Variants in AIG1 observed in about 807,000 individuals in gnomAD.
The protein encoded by AIG1 is androgen induced 1.
In AIG1, 23 loss-of-function variants were observed where a neutral mutation model predicts 31.4. That is an observed-to-expected ratio of 0.73 (90% CI 0.53 to 1.04). AIG1 has a LOEUF of 1.04. Among genes scored for constraint, AIG1 ranks in the 50% least tolerant of loss-of-function variants. The probability of loss-of-function intolerance (pLI) is 0.00; values close to 1 mark genes in which losing one functional copy is unlikely to be tolerated. For synonymous variants in AIG1, 100 were observed against 110.5 expected (o/e 0.90, Z 0.60); for missense variants, 274 against 295.0 (o/e 0.93, Z 0.52).
intron 2 of AIG1, among the ~76,000 whole-genome samples, chr6:143,156,941 T>G (rs1785827127): frequency 6.6e-6 from 1 of 152,226 alleles, no homozygotes; most frequent in South Asian, 2.1e-4. Context: ...GGCCAGCAAC[T>G]GATAGTCCTA....
At chr6:143,087,003 G>C (rs539066744) in intron 1 of AIG1, among the ~76,000 whole-genome samples, 70 of 152,308 alleles carry the variant, frequency 4.6e-4, no homozygotes, top group African/African-American at 1.6e-3. Flanking sequence ...TCCCAACCCA[G>C]AGGGTTGGGG....
rs148620182 is a variant in AIG1 at position 143,211,763 on chromosome 6, C to T, written c.399+46580C>T. 2.4e-3 allele frequency among the ~76,000 whole-genome samples: 361 copies of T among 152,072 alleles called. 2 individuals are homozygous for T. The highest frequency in any genetic ancestry group is 8.2e-3 in the African/African-American group (342 of 41,466). On this transcript the variant is annotated intron_variant, in intron 3 of 5. Coordinates refer to ENST00000357847, the MANE Select transcript of AIG1 (RefSeq NM_016108.4). Reference sequence around the variant, plus strand: ...CAAAAATTAGCTGGATGTGGTGGCACACGCTTGTAAGCCCAGTTATTCGGG... The same window carrying T: ...CAAAAATTAGCTGGATGTGGTGGCATACGCTTGTAAGCCCAGTTATTCGGG...
chr6:143,302,191 A>T (rs1365956551), intron 4 of AIG1, among the ~76,000 whole-genome samples: 3 of 150,802 alleles, frequency 2.0e-5, no homozygotes, highest in Non-Finnish European at 4.4e-5. Context: ...TTATTTTTTT[A>T]TTTTTTATTT....
intron 3 of AIG1, among the ~76,000 whole-genome samples, chr6:143,179,813 T>C (rs998095267): frequency 2.0e-5 from 3 of 152,234 alleles, no homozygotes; most frequent in African/African-American, 7.2e-5. Context: ...TTTAATTTAT[T>C]GTAATTAAAA....
chr6:143,182,373 A>T (rs1788812661), intron 3 of AIG1, among the ~76,000 whole-genome samples: 1 of 152,128 alleles, frequency 6.6e-6, no homozygotes, highest in East Asian at 1.9e-4. Flanking sequence ...CTGGTATATT[A>T]TAGGTACTCA....
Position 143,340,547 on chromosome 6 carries a change from G to A in AIG1, c.*871G>A, listed in dbSNP as rs1489450447. Among the ~76,000 whole-genome samples, 2 of 151,878 alleles carry A rather than the reference G, an allele frequency of 1.3e-5. No individual in the cohort carries two copies. Among genetic ancestry groups the A allele is most frequent in the African/African-American group, 2.4e-5 (1 of 41,310 alleles). On this transcript the variant is annotated 3_prime_UTR_variant, in exon 6 of 6. Transcript: ENST00000357847. The stretch of plus-strand genomic sequence containing the variant: ...GTGATCTCAGCTCACGGCAAGCTCC[G>A]CTTCCCGGGTTCATGCCATTCTCCT...
chr6:143,288,791 A>C lies in AIG1; in HGVS notation c.515+4566A>C, dbSNP rs143761243. Reference sequence around the variant, plus strand: ...TTACAGTTTGGTTTTATACATTTTAAAGAGACAGAAGTTACAAGCAAAGAC... The same window carrying C: ...TTACAGTTTGGTTTTATACATTTTACAGAGACAGAAGTTACAAGCAAAGAC... On this transcript the variant is annotated intron_variant, in intron 4 of 5. Coordinates refer to ENST00000357847, the MANE Select transcript of AIG1 (RefSeq NM_016108.4). The surrounding 1 kb of genome is among the most constrained non-coding windows in gnomAD (Gnocchi z 4.4). 4.0e-3 allele frequency among the ~76,000 whole-genome samples: 604 copies of C among 152,298 alleles called. 4 individuals carry two copies. Among genetic ancestry groups the C allele is most frequent in the Middle Eastern group, 0.014 (4 of 294 alleles).
chr6:143,166,728 TA>T (rs1241039844), intron 3 of AIG1, among the ~76,000 whole-genome samples: 2 of 152,238 alleles, frequency 1.3e-5, no homozygotes, highest in African/African-American at 2.4e-5. Context: ...TAGCTACTAT[TA>T]TTTTTTTTGT....
chr6:143,069,279 A>G (rs542720891), intron 1 of AIG1, among the ~76,000 whole-genome samples: 1 of 152,286 alleles, frequency 6.6e-6, no homozygotes, highest in East Asian at 1.9e-4. Context: ...GGCCTCCCGA[A>G]GTATTGGGAT....
intron 1 of AIG1, among the ~76,000 whole-genome samples, chr6:143,118,196 C>T (rs754712068): frequency 1.1e-4 from 17 of 152,274 alleles, no homozygotes; most frequent in African/African-American, 2.9e-4. Context: ...ACATCATGCC[C>T]GGTGATGTAA....
intron 1 of AIG1, among the ~76,000 whole-genome samples, chr6:143,095,969 C>T (rs1223662191): frequency 4.2e-5 from 6 of 144,440 alleles, no homozygotes; most frequent in Admixed American, 1.5e-4. Flanking sequence ...TGCAGTGGCA[C>T]GATCTCGGCT....
At chr6:143,206,575 C>A (rs543094185) in intron 3 of AIG1, among the ~76,000 whole-genome samples, 2 of 152,194 alleles carry the variant, frequency 1.3e-5, no homozygotes, top group Admixed American at 1.3e-4. Flanking sequence ...GCTTTTTTGG[C>A]ATATGTCTAC....
intron 1 of AIG1, among the ~76,000 whole-genome samples, chr6:143,074,247 C>T (rs961902078): frequency 6.6e-6 from 1 of 152,160 alleles, no homozygotes; most frequent in African/African-American, 2.4e-5. Context: ...TTGATGTAGT[C>T]TCATTTATTT....
chr6:143,322,991 C>G (rs888403931), intron 4 of AIG1, among the ~76,000 whole-genome samples: 3 of 152,050 alleles, frequency 2.0e-5, no homozygotes, highest in African/African-American at 7.2e-5. Context: ...ATGCCAAAAA[C>G]TACATTATCT....
rs1798125120 is a variant in AIG1, at chr6:143,292,531, C to T, written c.515+8306C>T. ...AAAAAGGCAAGGAAAGGGATTCTCC[C>T]CTAGGGCTTCCAGAAAGGAACTCAG... On this transcript the variant is annotated intron_variant, in intron 4 of 5. Transcript: ENST00000357847. The surrounding 1 kb of genome is among the most constrained non-coding windows in gnomAD (Gnocchi z 4.9). Among the ~76,000 whole-genome samples the T allele has an allele frequency of 6.6e-6, 1 of 152,082 alleles. No homozygotes were observed. Among genetic ancestry groups the T allele is most frequent in the African/African-American group, 2.4e-5 (1 of 41,380 alleles).
At chr6:143,239,813 A>G (rs1242746780) in intron 3 of AIG1, among the ~76,000 whole-genome samples, 1 of 152,200 alleles carries the variant, frequency 6.6e-6, no homozygotes, top group Non-Finnish European at 1.5e-5. Flanking sequence ...GGCCACATGG[A>G]CAATTAGAAC....
upstream of AIG1, chr6:143,060,805 C>T (rs1776157777): frequency 4.8e-5 from 6 of 123,872 alleles, no homozygotes; most frequent in South Asian, 1.5e-3. Context: ...CCCGCCCCCG[C>T]CCCGCCCCGC....
intron 1 of AIG1, among the ~76,000 whole-genome samples, chr6:143,097,450 A>G (rs369034309): frequency 2.4e-4 from 37 of 152,280 alleles, no homozygotes; most frequent in African/African-American, 7.7e-4. Context: ...TCCGGATTAA[A>G]CTCAACTACT....
At chr6:143,164,271 C>T (rs1286844384) in intron 2 of AIG1, among the ~76,000 whole-genome samples, 2 of 152,116 alleles carry the variant, frequency 1.3e-5, no homozygotes, top group Admixed American at 1.3e-4. Context: ...TTTACAAAAA[C>T]ACACACTTTT....
Sources: allele counts gnomAD v4.1 joint callset (sites outside exome capture counted in the v4.1 genomes callset), GRCh38; gene constraint gnomAD v4.1.1; non-coding constraint Gnocchi (gnomAD v3.1); transcripts MANE v1.5; gene names NCBI Gene and HGNC (gene_info 2026-07-23, HGNC 2026-07-21).